The following FZD3 variants were observed in gnomAD, a reference collection of about 807,000 sequenced individuals.
The protein encoded by FZD3 is frizzled-3.
Under a neutral mutation model 60.7 loss-of-function variants are expected in FZD3, and 30 were observed. That is an observed-to-expected ratio of 0.49 (90% CI 0.37 to 0.67). The LOEUF is 0.67. FZD3 is among the 30% of genes least tolerant of loss of function. The pLI, the probability that FZD3 is intolerant of heterozygous loss-of-function variation, is 0.00. For missense variants in FZD3, 605 were observed against 838.7 expected, an observed-to-expected ratio of 0.72 and a Z score of 3.44; for synonymous variants, 246 against 275.2, an observed-to-expected ratio of 0.89 and a Z score of 1.05.
intron 2 of FZD3, among the ~76,000 whole-genome samples, 164 bp downstream of exon 2, chr8:28,500,142 G>C (rs1192074123): frequency 1.3e-5 from 2 of 152,122 alleles, no homozygotes; most frequent in Non-Finnish European, 2.9e-5. Context: ...TTCCACTGCT[G>C]TTTTTTCCCT....
intron 5 of FZD3, among the ~76,000 whole-genome samples, chr8:28,546,465 T>C (rs1337851076): frequency 6.6e-6 from 1 of 152,210 alleles, no homozygotes; most frequent in Non-Finnish European, 1.5e-5. Context: ...GACTGTATAT[T>C]TGGTAATTTG....
intron 5 of FZD3, among the ~76,000 whole-genome samples, chr8:28,529,977 C>G (rs977841163): frequency 6.6e-6 from 1 of 151,980 alleles, no homozygotes; most frequent in Non-Finnish European, 1.5e-5. Context: ...TTAAAAAATA[C>G]CAGACCTCAA....
chr8:28,497,124 A>G (rs1025407111), intron 1 of FZD3, among the ~76,000 whole-genome samples: 8 of 152,194 alleles, frequency 5.3e-5, no homozygotes, highest in African/African-American at 1.9e-4. Flanking sequence ...ATTCGTTTAA[A>G]TTTTGAACCT....
At chr8:28,512,556 CATT>C (rs1563384936) in intron 3 of FZD3, among the ~76,000 whole-genome samples, 2 of 151,804 alleles carry the variant, frequency 1.3e-5, no homozygotes, top group Non-Finnish European at 2.9e-5. Flanking sequence ...GTAAGGAACA[CATT>C]ATGCTTTTAA....
intron 7 of FZD3, among the ~76,000 whole-genome samples, chr8:28,558,299 C>A (rs1585194597): frequency 6.6e-6 from 1 of 152,244 alleles, no homozygotes; most frequent in East Asian, 1.9e-4. Context: ...TTAGGGGTCC[C>A]AGCTGAAAAT....
intron 5 of FZD3, among the ~76,000 whole-genome samples, chr8:28,538,391 A>G (rs750991088): frequency 1.9e-4 from 29 of 152,160 alleles, no homozygotes; most frequent in Admixed American, 1.6e-3. Context: ...CCTATGCTCA[A>G]CAATTTACAC....
At position 28,566,703 on chromosome 8, in the gene FZD3, A is replaced by G. The variant is rs923114107; in HGVS notation, c.*3692A>G. On this transcript the variant is annotated 3_prime_UTR_variant, in exon 8 of 8. Transcript: ENST00000240093. Reference sequence around the variant, plus strand: ...ATTAACATACCAAAATTTCATTATGATGATATTTATATTGCTTTTTGACAT... The same window carrying G: ...ATTAACATACCAAAATTTCATTATGGTGATATTTATATTGCTTTTTGACAT... The G allele has an allele frequency of 3.3e-5, 5 of 152,100 alleles. No homozygotes were observed. The highest frequency in any genetic ancestry group is 1.2e-4 in the African/African-American group (5 of 41,418). The allele number at this position is 152,100 out of a possible 1,614,324, so 9.4% of individuals were successfully genotyped here. A position where few individuals can be genotyped will look rare whatever the true frequency, so the allele number is the denominator to read the frequency against.
intron 5 of FZD3, among the ~76,000 whole-genome samples, chr8:28,549,097 C>T (rs1585995565): frequency 1.3e-5 from 2 of 152,298 alleles, no homozygotes; most frequent in East Asian, 1.9e-4. Flanking sequence ...AGTCTCTCTC[C>T]TTGGCTTGTA....
At chr8:28,513,456 G>A (rs1367525955) in intron 3 of FZD3, among the ~76,000 whole-genome samples, 1 of 152,140 alleles carries the variant, frequency 6.6e-6, no homozygotes, top group Non-Finnish European at 1.5e-5. Flanking sequence ...TATTTAATAT[G>A]CTATCACAGA....
intron 5 of FZD3, among the ~76,000 whole-genome samples, chr8:28,551,317 C>T (rs1805406913): frequency 1.3e-5 from 2 of 152,132 alleles, no homozygotes; most frequent in African/African-American, 4.8e-5. Context: ...GGATCACCTG[C>T]AGCCTGGCCA....
In FZD3 at chr8:28,527,774, C is replaced by G; in HGVS notation, c.1014C>G (p.Ile338Met). The change falls in exon 5 of 8, where the codon ATC (isoleucine) becomes ATG (methionine). Residue 338 changes from isoleucine to methionine, a missense_variant. By Grantham distance (10) the Ile-to-Met change is conservative. Coordinates refer to ENST00000240093, the MANE Select transcript of FZD3 (RefSeq NM_017412.4). This position sits in a 1 kb window ranked among gnomAD's most constrained non-coding sequence, Gnocchi z 5.0. ...ALLFHASAWG[I>M]PGTLTIILLA... Reference sequence around the variant, plus strand: ...TGTTTCACGCCAGTGCATGGGGCATCCCCGGAACTCTAACCATCATCCTTT... The same window carrying G: ...TGTTTCACGCCAGTGCATGGGGCATGCCCGGAACTCTAACCATCATCCTTT... 6.2e-7 allele frequency: 1 copy of G among 1,614,104 alleles called. No homozygotes were observed.
chr8:28,515,278 TCTC>T (rs1315839921), intron 3 of FZD3, among the ~76,000 whole-genome samples: 1 of 152,144 alleles, frequency 6.6e-6, no homozygotes, highest in Non-Finnish European at 1.5e-5. Context: ...TCAGTTCTTG[TCTC>T]CTCAGAAGAA....
At chr8:28,550,573 C>T (rs1805389890) in intron 5 of FZD3, among the ~76,000 whole-genome samples, 1 of 139,830 alleles carries the variant, frequency 7.2e-6, no homozygotes, top group Admixed American at 7.6e-5. Flanking sequence ...CTCACTACAA[C>T]CTCCACCTCC....
chr8:28,553,309 C>T (rs1206893407), intron 6 of FZD3, among the ~76,000 whole-genome samples: 3 of 152,254 alleles, frequency 2.0e-5, no homozygotes, highest in Non-Finnish European at 4.4e-5. Context: ...CCACCAACTA[C>T]TTTTGGATAC....
Position 28,502,978 on chromosome 8 carries a change from G to A in FZD3, c.-36G>A. 1.4e-6 allele frequency: 2 copies of A among 1,435,386 alleles called. No homozygotes were observed. Among genetic ancestry groups the A allele is most frequent in the Non-Finnish European group, 2.0e-6 (2 of 1,022,188 alleles). The allele number at this position is 1,435,386 out of a possible 1,614,324, so 88.9% of individuals were successfully genotyped here. On this transcript the variant is annotated 5_prime_UTR_variant, in exon 3 of 8. Transcript: ENST00000240093. ...AATATCTAAAATACATATTGAATAGGCCTGATCATCTGAATCTCCTTCAGA... is the reference window on the plus strand; with the variant it reads ...AATATCTAAAATACATATTGAATAGACCTGATCATCTGAATCTCCTTCAGA...
intron 3 of FZD3, among the ~76,000 whole-genome samples, chr8:28,513,529 A>G (rs1483850227): frequency 6.6e-6 from 1 of 152,224 alleles, no homozygotes; most frequent in Admixed American, 6.5e-5. Context: ...GCGTTTTTAC[A>G]AACCTAAAGT....
At position 28,572,832 on chromosome 8, in the gene FZD3, A is replaced by G. The variant is rs375358424; in HGVS notation, c.*9821A>G. On this transcript the variant is annotated 3_prime_UTR_variant, in exon 8 of 8. Transcript: ENST00000240093. ...TATAAAAGTATATGAGTTGAAGATC[A>G]TATAAAAAATATGAAACTCCTACAC... 23 of 152,302 alleles carry G rather than the reference A, an allele frequency of 1.5e-4. 1 individual carries two copies. Among genetic ancestry groups the G allele is most frequent in the African/African-American group, 4.8e-4 (20 of 41,570 alleles). 9.4% of individuals were successfully genotyped at this position (152,302 alleles called of 1,614,324 possible). A position where few individuals can be genotyped will look rare whatever the true frequency, so the allele number is the denominator to read the frequency against.
rs182481094 is a variant in FZD3, at chr8:28,518,631, T to C, written c.190-2007T>C. ...TAGCTTTAGAATTTTGAGATACACA[T>C]AGGGAAAACTGGCTTTGTGTTAGAC... On this transcript the variant is annotated intron_variant, in intron 3 of 7. Coordinates refer to ENST00000240093, the MANE Select transcript of FZD3 (RefSeq NM_017412.4). Among the ~76,000 whole-genome samples the C allele has an allele frequency of 1.6e-3, 247 of 152,344 alleles. 1 individual carries two copies. The highest frequency in any genetic ancestry group is 5.8e-3 in the African/African-American group (240 of 41,588).
chr8:28,528,623 T>C (rs1180581055), intron 5 of FZD3, among the ~76,000 whole-genome samples: 1 of 152,192 alleles, frequency 6.6e-6, no homozygotes, highest in Non-Finnish European at 1.5e-5. Context: ...TTGTGATTTC[T>C]TTTTCAGTTT....
Sources: allele counts gnomAD v4.1 joint callset (sites outside exome capture counted in the v4.1 genomes callset), GRCh38; gene constraint gnomAD v4.1.1; non-coding constraint Gnocchi (gnomAD v3.1); transcripts MANE v1.5; gene names NCBI Gene and HGNC (gene_info 2026-07-23, HGNC 2026-07-21).